Variants in KRTCAP3 observed in about 807,000 individuals in gnomAD.
KRTCAP3 encodes the protein keratinocyte associated protein 3, also known as keratinocyte-associated protein 3.
A neutral mutation model predicts 20.5 loss-of-function variants in KRTCAP3; 18 were observed. The observed-to-expected ratio is 0.88, with a 90% CI of 0.61 to 1.31. KRTCAP3 has a LOEUF of 1.31. Among genes scored for constraint, KRTCAP3 ranks in the 50% most tolerant of loss-of-function variants. The pLI is 0.00. For missense variants in KRTCAP3, 347 were observed against 310.4 expected (o/e 1.12, Z -0.89); for synonymous variants, 167 against 133.7 (o/e 1.25, Z -1.72).
At chr2:27,446,288 G>C (rs1665090805), downstream of KRTCAP3, 1 of 1,614,208 alleles carries the variant, frequency 6.2e-7, no homozygotes, top group Non-Finnish European at 8.5e-7. Context: ...TTCATAGAAG[G>C]CTTTGTCTAC....
downstream of KRTCAP3, chr2:27,445,208 C>T: frequency 6.3e-7 from 1 of 1,581,790 alleles, no homozygotes; most frequent in Non-Finnish European, 8.6e-7. The surrounding 1 kb of genome is among the most constrained non-coding windows in gnomAD (Gnocchi z 4.4). Context: ...GTCTTTTGTA[C>T]CCTTTACTGA....
chr2:27,445,980 G>C (rs1486214074), downstream of KRTCAP3: 2 of 1,614,108 alleles, frequency 1.2e-6, no homozygotes, highest in Non-Finnish European at 1.7e-6. This position sits in a 1 kb window ranked among gnomAD's most constrained non-coding sequence, Gnocchi z 4.4. Context: ...TGTTATCCCA[G>C]CCAACTGCCT....
chr2:27,446,416 T>C, downstream of KRTCAP3: 2 of 1,446,470 alleles, frequency 1.4e-6, no homozygotes, highest in Non-Finnish European at 9.7e-7. Flanking sequence ...ACCAGACCAA[T>C]GATCCTGTAA....
In KRTCAP3 at chr2:27,443,170, G is replaced by A. The variant is rs758468255; in HGVS notation, c.370G>A (p.Gly124Ser). The change falls in exon 4 of 7, where the codon GGT becomes AGT. Residue 124 changes from glycine to serine, a missense_variant. Coordinates refer to ENST00000288873, the MANE Select transcript of KRTCAP3 (RefSeq NM_173853.4). Reference sequence around the variant, plus strand: ...TGCTGTGTCACTCACTGTGGCCAACGGTGGCCGCCGCCTTATTGCTGACTG... The same window carrying A: ...TGCTGTGTCACTCACTGTGGCCAACAGTGGCCGCCGCCTTATTGCTGACTG... ...LLAVSLTVAN[G>S]GRRLIADCHP... 42 of 1,613,938 alleles carry A rather than the reference G, an allele frequency of 2.6e-5. No individual in the cohort carries two copies. Among genetic ancestry groups the A allele is most frequent in the South Asian group, 4.4e-5 (4 of 91,074 alleles).
rs750944311 is a variant in KRTCAP3 at position 27,442,844 on chromosome 2, C to G, written c.216C>G (p.Ser72Arg). The change falls in exon 3 of 7, where the codon AGC becomes AGG. Residue 72 changes from serine to arginine, a missense_variant and splice_region_variant. By Grantham distance (110) the Ser-to-Arg change is moderately radical. Coordinates refer to ENST00000288873, the MANE Select transcript of KRTCAP3 (RefSeq NM_173853.4). ...NVISVGSGLL[S>R]VSVGLVALLA... is the part of the protein sequence containing the mutation. The stretch of plus-strand genomic sequence containing the variant: ...CAAAGGCTTTGTGTCTTCCACAGAG[C>G]GTTTCCGTGGGACTTGTGGCCCTCC... 1.2e-6 allele frequency: 2 copies of G among 1,611,892 alleles called. No individual in the cohort carries two copies. The highest frequency in any genetic ancestry group is 1.7e-6 in the Non-Finnish European group (2 of 1,180,020).
At chr2:27,445,969 A>G (rs773569919), downstream of KRTCAP3, 15 of 1,614,130 alleles carry the variant, frequency 9.3e-6, no homozygotes, top group South Asian at 9.9e-5. The surrounding 1 kb of genome is among the most constrained non-coding windows in gnomAD (Gnocchi z 4.4). Context: ...GATGAATGCC[A>G]TGTTATCCCA....
At position 27,443,236 on chromosome 2, in the gene KRTCAP3, G is replaced by A; in HGVS notation, c.436G>A (p.Gly146Arg). The A allele has an allele frequency of 6.2e-7, 1 of 1,614,186 alleles. No homozygotes were observed. The highest frequency in any genetic ancestry group is 8.5e-7 in the Non-Finnish European group (1 of 1,180,036). The change falls in exon 4 of 7, where the codon GGG becomes AGG. Residue 146 changes from glycine to arginine, a missense_variant. Physicochemically the swap from Gly to Arg is moderately radical, Grantham distance 125. Transcript: ENST00000288873. ...GGATCCTCTGGTACCACTGGATGAG[G>A]GGCCGGGACATACTGACTGCCCCTT... ...LLDPLVPLDE[G>R]PGHTDCPFDP...
chr2:27,442,821 A>C, intron 2 of KRTCAP3, 21 bp from the exon 3 acceptor site: 1 of 1,611,672 alleles, frequency 6.2e-7, no homozygotes, highest in South Asian at 1.1e-5. Flanking sequence ...CAGCAGGCCA[A>C]AGGCTTTGTG....
chr2:27,444,885 G>A (rs992062716), downstream of KRTCAP3: 9 of 957,802 alleles, frequency 9.4e-6, no homozygotes, highest in East Asian at 1.5e-4. Flanking sequence ...CTGACCTCAG[G>A]TGATCCGCCC....
downstream of KRTCAP3, chr2:27,444,591 G>T: frequency 8.3e-7 from 1 of 1,205,384 alleles, no homozygotes; most frequent in Non-Finnish European, 1.2e-6. Context: ...TCCATCGCAG[G>T]CTTCAGGGTC....
chr2:27,446,154 A>T (rs573058783), downstream of KRTCAP3: 305 of 1,327,996 alleles, frequency 2.3e-4, 2 homozygotes, highest in South Asian at 3.3e-3. Context: ...ATCCTCCGTA[A>T]CATCAGCCCT....
rs760548117 is a variant in KRTCAP3 at position 27,442,653 on chromosome 2, C to T, written c.103C>T (p.Leu35=). 4.4e-6 allele frequency: 7 copies of T among 1,581,524 alleles called. No individual in the cohort carries two copies. The East Asian group carries it at 1.3e-4, about 30-fold the overall frequency. The stretch of plus-strand genomic sequence containing the variant: ...CTTGGTGGGCCACGTGAACCTGCTG[C>T]TGGGGGCCGTGCTGCATGGCACCGT... ...LILVGHVNLL[L]GAVLHGTVLR... The change falls in exon 2 of 7, where the codon CTG becomes TTG. Residue 35 remains leucine, a synonymous_variant. Coordinates refer to ENST00000288873, the MANE Select transcript of KRTCAP3 (RefSeq NM_173853.4).
At chr2:27,442,520 C>T (rs913127734) in intron 1 of KRTCAP3, 59 bp from the exon 2 acceptor site, 5 of 1,525,258 alleles carry the variant, frequency 3.3e-6, no homozygotes, top group South Asian at 1.3e-5. Flanking sequence ...GTTAACCCGC[C>T]GCGAGCCGCC....
intron 3 of KRTCAP3, 28 bp from the exon 4 acceptor site, chr2:27,443,046 G>C (rs367754392): frequency 6.2e-7 from 1 of 1,600,194 alleles, no homozygotes. Flanking sequence ...GGCCCAGGCT[G>C]CTCACCCTGA....
chr2:27,443,353 C>T (rs2148460285), intron 4 of KRTCAP3, 45 bp from the exon 5 acceptor site: 1 of 1,613,714 alleles, frequency 6.2e-7, no homozygotes, highest in Non-Finnish European at 8.5e-7. Context: ...CTATTTGCTG[C>T]ACTTGCCCTA....
At chr2:27,446,029 G>T (rs190647362), downstream of KRTCAP3, 579 of 1,609,976 alleles carry the variant, frequency 3.6e-4, no homozygotes, top group African/African-American at 7.1e-3. Context: ...GAACAAGCTG[G>T]GTTTGAATGC....
chr2:27,445,674 CAA>C, downstream of KRTCAP3: 1 of 1,561,172 alleles, frequency 6.4e-7, no homozygotes, highest in South Asian at 1.1e-5. The surrounding 1 kb of genome is among the most constrained non-coding windows in gnomAD (Gnocchi z 4.4). Flanking sequence ...GATGGCAGCA[CAA>C]AGATATTCTC....
downstream of KRTCAP3, chr2:27,446,432 C>A: frequency 8.0e-7 from 1 of 1,248,788 alleles, no homozygotes; most frequent in Non-Finnish European, 1.2e-6. Context: ...TGTAAGGCAG[C>A]CACAGAACTA....
At chr2:27,445,327 A>G, downstream of KRTCAP3, 1 of 1,613,286 alleles carries the variant, frequency 6.2e-7, no homozygotes, top group Non-Finnish European at 8.5e-7. This position sits in a 1 kb window ranked among gnomAD's most constrained non-coding sequence, Gnocchi z 4.4. Flanking sequence ...CTCGAACACC[A>G]GTGCTCGCTG....
Sources: allele counts gnomAD v4.1 joint callset, GRCh38; gene constraint gnomAD v4.1.1; non-coding constraint Gnocchi (gnomAD v3.1); transcripts MANE v1.5; gene names NCBI Gene and HGNC (gene_info 2026-07-23, HGNC 2026-07-21).